Variants in MBD3 observed in about 807,000 individuals in gnomAD.
MBD3 encodes methyl-CpG-binding domain protein 3.
MBD3 carries 13 observed loss-of-function variants against 31.2 expected under a neutral mutation model. The observed-to-expected ratio is 0.42, with a 90% CI of 0.27 to 0.66. MBD3 has a LOEUF of 0.66. Ranked by LOEUF, MBD3 falls within the 30% of genes least tolerant of loss-of-function variation. The probability of loss-of-function intolerance (pLI) is 0.26; values close to 1 mark genes in which losing one functional copy is unlikely to be tolerated. For missense variants in MBD3, 440 were observed against 426.5 expected (o/e 1.03, Z -0.28); for synonymous variants, 223 against 187.4 (o/e 1.19, Z -1.55).
Position 1,574,981 on chromosome 19 carries a change from G to A in MBD3, c.*3183C>T. 2.9e-6 allele frequency: 1 copy of A among 341,576 alleles called. No individual in the cohort carries two copies. The highest frequency in any genetic ancestry group is 3.8e-5 in the Admixed American group (1 of 26,210). 21.2% of individuals were successfully genotyped at this position (341,576 alleles called of 1,614,324 possible). ...TAGCTGGTGTTGCTGAGACTCGGGAGCCCTGTGGTCCGTGTGGCTGGGCCG... is the reference window on the plus strand; with the variant it reads ...TAGCTGGTGTTGCTGAGACTCGGGAACCCTGTGGTCCGTGTGGCTGGGCCG... On this transcript the variant is annotated 3_prime_UTR_variant, in exon 7 of 7. Coordinates refer to ENST00000434436, the MANE Select transcript of MBD3 (RefSeq NM_001281453.2).
In MBD3 at chr19:1,592,665, C is replaced by CCGCCGCCGCCCGGACCCCCACT. The variant is rs1231142713; in HGVS notation, c.-56_-35dup. ...GCTCCTCGGCCCGCCGCCGGGCCCG[C>CCGCCGCCGCCCGGACCCCCACT]CGCCGCCGCCCGGACCCCCACTCGC... On this transcript the variant is annotated 5_prime_UTR_variant, in exon 1 of 7. Coordinates refer to ENST00000434436, the MANE Select transcript of MBD3 (RefSeq NM_001281453.2). 4 of 951,136 alleles carry CCGCCGCCGCCCGGACCCCCACT rather than the reference C, an allele frequency of 4.2e-6. No homozygotes were observed. The African/African-American group carries it at 7.1e-5, about 17-fold the overall frequency. 58.9% of individuals were successfully genotyped at this position (951,136 alleles called of 1,614,324 possible). A position where few individuals can be genotyped will look rare whatever the true frequency, so the allele number is the denominator to read the frequency against.
intron 1 of MBD3, among the ~76,000 whole-genome samples, chr19:1,587,925 T>TGCCCCA (rs1475521640): frequency 5.6e-4 from 86 of 152,344 alleles, no homozygotes; most frequent in Non-Finnish European, 1.2e-4. Flanking sequence ...CTTCTGCCCC[T>TGCCCCA]GCCCCAGACG....
rs935035131 is a variant in MBD3, at chr19:1,592,699, C to A, written c.-68G>T. The A allele has an allele frequency of 8.4e-6, 4 of 478,348 alleles. No homozygotes were observed. The highest frequency in any genetic ancestry group is 1.1e-5 in the Non-Finnish European group (4 of 359,000). The allele number at this position is 478,348 out of a possible 1,614,324, so 29.6% of individuals were successfully genotyped here. On this transcript the variant is annotated 5_prime_UTR_variant, in exon 1 of 7. Transcript: ENST00000434436. Reference sequence around the variant, plus strand: ...CCCGGACCCCCACTCGCCGCCGCCGCCTCAGCTGCCTCCGCTGCCGCTGCC... The same window carrying A: ...CCCGGACCCCCACTCGCCGCCGCCGACTCAGCTGCCTCCGCTGCCGCTGCC...
intron 5 of MBD3, among the ~76,000 whole-genome samples, chr19:1,580,859 A>T (rs1568274209): frequency 6.6e-6 from 1 of 152,004 alleles, no homozygotes; most frequent in Non-Finnish European, 1.5e-5. Flanking sequence ...AAAGGACCAC[A>T]CTCTTTTCAA....
chr19:1,578,641 T>G lies in MBD3; in HGVS notation c.678-103A>C. ...CAGCTGGGAGGGGAGGCCCGAGGGA[T>G]CCACAGGCACCCCCCCAGGACCAGC... On this transcript the variant is annotated intron_variant, in intron 5 of 6. Coordinates refer to ENST00000434436, the MANE Select transcript of MBD3 (RefSeq NM_001281453.2). The surrounding 1 kb of genome is among the most constrained non-coding windows in gnomAD (Gnocchi z 6.1). 1 of 1,595,608 alleles carries G rather than the reference T, an allele frequency of 6.3e-7. No homozygotes were observed. The highest frequency in any genetic ancestry group is 1.1e-5 in the South Asian group (1 of 90,446).
intron 1 of MBD3, among the ~76,000 whole-genome samples, chr19:1,589,416 G>A (rs943079322): frequency 1.3e-5 from 2 of 151,418 alleles, no homozygotes; most frequent in African/African-American, 4.9e-5. Context: ...ACTTTGGGAG[G>A]CCAAGGAGGG....
In MBD3 at chr19:1,585,161, C is replaced by T. The variant is rs765405628; in HGVS notation, c.164G>A (p.Gly55Asp). The T allele has an allele frequency of 1.9e-6, 3 of 1,609,768 alleles. No homozygotes were observed. The highest frequency in any genetic ancestry group is 2.5e-6 in the Non-Finnish European group (3 of 1,179,406). Residue 55 changes from glycine to aspartate, a missense_variant, in exon 2 of 7, where the codon GGC (glycine) becomes GAC (aspartate). Transcript: ENST00000434436. This position sits in a 1 kb window ranked among gnomAD's most constrained non-coding sequence, Gnocchi z 4.1. Reference sequence around the variant, plus strand: ...GTCGAAGGTGCTCAGGTCCATGGAGCCGCCCAGGTAGCGCGCCAGCTGCGG... The same window carrying T: ...GTCGAAGGTGCTCAGGTCCATGGAGTCGCCCAGGTAGCGCGCCAGCTGCGG... ...SKPQLARYLG[G>D]SMDLSTFDFR... is the part of the protein sequence containing the mutation.
Position 1,585,017 on chromosome 19 carries a change from C to A in MBD3, c.270+38G>T. 6.2e-7 allele frequency: 1 copy of A among 1,605,704 alleles called. No individual in the cohort carries two copies. Among genetic ancestry groups the A allele is most frequent in the Non-Finnish European group, 8.5e-7 (1 of 1,178,920 alleles). On this transcript the variant is annotated intron_variant, in intron 2 of 6. Transcript: ENST00000434436. The surrounding 1 kb of genome is among the most constrained non-coding windows in gnomAD (Gnocchi z 4.1). The stretch of plus-strand genomic sequence containing the variant: ...CATGGCCGCGTCCCCGCCTAGAACG[C>A]CCCGCGCCGACGTCACCTGCGTGAC...
rs758106960 is a variant in MBD3 at position 1,581,314 on chromosome 19, G to A, written c.500-45C>T. The A allele has an allele frequency of 4.4e-5, 69 of 1,582,058 alleles. No homozygotes were observed. In the Admixed American group the frequency reaches 1.0e-3, roughly 23 times the overall value. ...CAGCCGCAAGTGGAGAGGTCACCAC[G>A]GGGCAGCTGTGGCCCAGACAGGCCA... is the stretch of plus-strand genomic sequence containing the variant. On this transcript the variant is annotated intron_variant, in intron 4 of 6. Transcript: ENST00000434436.
In MBD3 at chr19:1,576,899, GA is replaced by G. The variant is rs1917206957; in HGVS notation, c.*1264del. On this transcript the variant is annotated 3_prime_UTR_variant, in exon 7 of 7. Coordinates refer to ENST00000434436, the MANE Select transcript of MBD3 (RefSeq NM_001281453.2). The stretch of plus-strand genomic sequence containing the variant: ...CTTTGACTCTGACAGGGAGCAGCAG[GA>G]AGCTGCCAGCCCACTGCCTCCATGC... 1 of 152,334 alleles carries G rather than the reference GA, an allele frequency of 6.6e-6. No homozygotes were observed. Among genetic ancestry groups the G allele is most frequent in the Non-Finnish European group, 1.5e-5 (1 of 68,102 alleles). The allele number at this position is 152,334 out of a possible 1,614,324, so 9.4% of individuals were successfully genotyped here.
In MBD3 at chr19:1,584,597, G is replaced by T. The variant is rs755286081; in HGVS notation, c.351C>A (p.Asn117Lys). The change falls in exon 3 of 7, where the codon AAC (asparagine) becomes AAA (lysine). Residue 117 changes from asparagine to lysine, a missense_variant. Transcript: ENST00000434436. ...CGCTCTTGACCTTGTTGCTGGGGTG[G>T]TTGGTAATCTTGGTCACCGGCTGCT... ...IFKQPVTKIT[N>K]HPSNKVKSDP... 1.2e-6 allele frequency: 2 copies of T among 1,613,972 alleles called. No homozygotes were observed. Among genetic ancestry groups the T allele is most frequent in the East Asian group, 2.2e-5 (1 of 44,876 alleles).
At position 1,574,331 on chromosome 19, in the gene MBD3, T is replaced by A. The variant is rs989782744; in HGVS notation, c.*3833A>T. 1 of 152,266 alleles carries A rather than the reference T, an allele frequency of 6.6e-6. No homozygotes were observed. Among genetic ancestry groups the A allele is most frequent in the African/African-American group, 2.4e-5 (1 of 41,398 alleles). 9.4% of individuals were successfully genotyped at this position (152,266 alleles called of 1,614,324 possible). Reference sequence around the variant, plus strand: ...AAACTGTGGAACATTATCATTAACTTTTGTGGGTGCCCTTTAGCCATTTCC... The same window carrying A: ...AAACTGTGGAACATTATCATTAACTATTGTGGGTGCCCTTTAGCCATTTCC... On this transcript the variant is annotated 3_prime_UTR_variant, in exon 7 of 7. Coordinates refer to ENST00000434436, the MANE Select transcript of MBD3 (RefSeq NM_001281453.2).
intron 4 of MBD3, 50 bp from the exon 5 acceptor site, chr19:1,581,319 A>G (rs746839404): frequency 6.3e-7 from 1 of 1,574,802 alleles, no homozygotes; most frequent in Admixed American, 1.7e-5. Flanking sequence ...ACCACGGGGC[A>G]GCTGTGGCCC....
In MBD3 at chr19:1,578,236, C is replaced by T; in HGVS notation, c.*6-78G>A. The T allele has an allele frequency of 6.4e-7, 1 of 1,557,824 alleles. No individual in the cohort carries two copies. The highest frequency in any genetic ancestry group is 1.1e-5 in the South Asian group (1 of 88,700). ...TGGGCTCTTCTAGGGAGATGGGAAG[C>T]TCTTGGGAGGCACCCGTCATCCCAA... On this transcript the variant is annotated intron_variant, in intron 6 of 6. Transcript: ENST00000434436. This position sits in a 1 kb window ranked among gnomAD's most constrained non-coding sequence, Gnocchi z 6.1.
intron 3 of MBD3, 93 bp downstream of exon 3, chr19:1,584,447 C>T: frequency 1.9e-6 from 3 of 1,562,104 alleles, no homozygotes; most frequent in Non-Finnish European, 1.7e-6. Context: ...GCGCTCACTA[C>T]GTCCGCTCCA....
intron 1 of MBD3, among the ~76,000 whole-genome samples, chr19:1,588,779 C>CAAAAAAAA (rs750933978): frequency 2.2e-4 from 12 of 54,964 alleles, no homozygotes; most frequent in African/African-American, 9.0e-4. Context: ...ACTGTGTCTC[C>CAAAAAAAA]AAAAAAAAAA....
At chr19:1,589,650 C>A (rs2060694976) in intron 1 of MBD3, among the ~76,000 whole-genome samples, 1 of 152,044 alleles carries the variant, frequency 6.6e-6, no homozygotes, top group African/African-American at 2.4e-5. Context: ...GGGACTACTT[C>A]TCAAAATAAA....
At chr19:1,590,672 G>C (rs2060699471) in intron 1 of MBD3, among the ~76,000 whole-genome samples, 1 of 152,158 alleles carries the variant, frequency 6.6e-6, no homozygotes, top group African/African-American at 2.4e-5. Context: ...TTTAAATAAA[G>C]GTTATGCCCA....
intron 3 of MBD3, 142 bp from the exon 4 acceptor site, chr19:1,582,854 G>C: frequency 1.4e-6 from 1 of 717,944 alleles, no homozygotes; most frequent in Non-Finnish European, 2.5e-6. Flanking sequence ...ACTGCCTTGG[G>C]TCTCCAGACC....
Sources: gnomAD v4.1 joint callset for allele counts (sites outside exome capture counted in the v4.1 genomes callset) on GRCh38, gnomAD v4.1.1 for gene constraint, Gnocchi (gnomAD v3.1) non-coding constraint, MANE v1.5 for transcripts, NCBI Gene and HGNC (gene_info 2026-07-23, HGNC 2026-07-21) for gene names.